Variants in PPP4R3B observed in about 807,000 individuals in gnomAD.
PPP4R3B encodes serine/threonine-protein phosphatase 4 regulatory subunit 3B.
A neutral mutation model predicts 95.4 loss-of-function variants in PPP4R3B; 52 were observed. That is an observed-to-expected ratio of 0.54 (90% confidence interval 0.44 to 0.69). The LOEUF is 0.69. Ranked by LOEUF, PPP4R3B falls within the 30% of genes least tolerant of loss-of-function variation. The pLI is 0.00. For missense variants in PPP4R3B, 1,003 were observed against 1,005.9 expected (o/e 1.00, Z 0.04); for synonymous variants, 407 against 343.9 (o/e 1.18, Z -2.03).
chr2:55,613,266 T>C (rs1237328383), intron 2 of PPP4R3B, among the ~76,000 whole-genome samples: 1 of 151,918 alleles, frequency 6.6e-6, no homozygotes, highest in Non-Finnish European at 1.5e-5. Context: ...ACAGGTAACA[T>C]CATTCACACA....
intron 9 of PPP4R3B, among the ~76,000 whole-genome samples, 190 bp from the exon 10 acceptor site, chr2:55,578,532 C>G (rs1030885530): frequency 3.3e-5 from 5 of 151,860 alleles, no homozygotes; most frequent in Admixed American, 1.3e-4. Flanking sequence ...GCTTTTGTAC[C>G]CATTCACCTT....
chr2:55,558,252 C>CT (rs1686103613), intron 16 of PPP4R3B, among the ~76,000 whole-genome samples: 1 of 152,116 alleles, frequency 6.6e-6, no homozygotes, highest in Non-Finnish European at 1.5e-5. Flanking sequence ...TGCAGTAACA[C>CT]TAAGTAGTCA....
At chr2:55,589,484 C>T (rs1690651539) in intron 4 of PPP4R3B, among the ~76,000 whole-genome samples, 2 of 152,184 alleles carry the variant, frequency 1.3e-5, no homozygotes, top group African/African-American at 4.8e-5. Flanking sequence ...CAGTTTTACA[C>T]GTTCTTGCGG....
intron 4 of PPP4R3B, chr2:55,591,842 T>C (rs1691074202): frequency 5.7e-6 from 1 of 176,864 alleles, no homozygotes; most frequent in Non-Finnish European, 1.1e-5. Flanking sequence ...AATATATTTA[T>C]GAAGGAAGCA....
chr2:55,553,694 G>A (rs1209703241), intron 16 of PPP4R3B, among the ~76,000 whole-genome samples: 1 of 152,040 alleles, frequency 6.6e-6, no homozygotes, highest in Non-Finnish European at 1.5e-5. Context: ...CATATAAATG[G>A]AATCATACAA....
rs1222776959 is a variant in PPP4R3B at position 55,549,253 on chromosome 2, A to G, written c.*658T>C. 6.6e-6 allele frequency: 1 copy of G among 152,630 alleles called. No individual in the cohort carries two copies. Among genetic ancestry groups the G allele is most frequent in the African/African-American group, 2.4e-5 (1 of 41,438 alleles). 9.5% of individuals were successfully genotyped at this position (152,630 alleles called of 1,614,324 possible). The stretch of plus-strand genomic sequence containing the variant: ...AAGTGCTGATTTTAACATTATCTTA[A>G]AACTGTCCAGTTTGAATTGAGCTTG... On this transcript the variant is annotated 3_prime_UTR_variant, in exon 17 of 17. Transcript: ENST00000616407.
intron 2 of PPP4R3B, among the ~76,000 whole-genome samples, chr2:55,611,734 A>ATTT (rs899916814): frequency 2.5e-4 from 37 of 148,846 alleles, no homozygotes; most frequent in African/African-American, 8.6e-4. Flanking sequence ...AATTTACTCA[A>ATTT]TTTTTTTTTT....
chr2:55,617,540 C>A lies in PPP4R3B; in HGVS notation c.-255G>T. On this transcript the variant is annotated 5_prime_UTR_variant, in exon 1 of 17. Coordinates refer to ENST00000616407, the MANE Select transcript of PPP4R3B (RefSeq NM_001122964.3). ...CCCACTCTCCCGTCTCTTTGCCCCC[C>A]AGGGCTCGCTTGCTCTCCCGCCGCC... 2 of 398,630 alleles carry A rather than the reference C, an allele frequency of 5.0e-6. No homozygotes were observed. The highest frequency in any genetic ancestry group is 9.0e-6 in the Non-Finnish European group (2 of 222,416). The allele number at this position is 398,630 out of a possible 1,614,324, so 24.7% of individuals were successfully genotyped here. A position where few individuals can be genotyped will look rare whatever the true frequency, so the allele number is the denominator to read the frequency against.
rs147075661 is a variant in PPP4R3B, at chr2:55,616,175, T to C, written c.143-669A>G. The stretch of plus-strand genomic sequence containing the variant: ...ATTCGTTTTAACAAAAGTTGTTTTA[T>C]TGCATTCCCAGTTTAACAAATAATG... On this transcript the variant is annotated intron_variant, in intron 1 of 16. Transcript: ENST00000616407. Among the ~76,000 whole-genome samples, 480 of 152,200 alleles carry C rather than the reference T, an allele frequency of 3.2e-3. 5 individuals carry two copies. The highest frequency in any genetic ancestry group is 0.015 in the South Asian group (73 of 4,822).
Position 55,578,332 on chromosome 2 carries a change from T to TAA in PPP4R3B, c.1477_1478dup (p.Leu493PhefsTer2). The TAA allele has an allele frequency of 2.9e-6, 4 of 1,382,980 alleles. No homozygotes were observed. Among genetic ancestry groups the TAA allele is most frequent in the Non-Finnish European group, 3.8e-6 (4 of 1,058,906 alleles). 85.7% of individuals were successfully genotyped at this position (1,382,980 alleles called of 1,614,324 possible). On this transcript the variant is annotated frameshift_variant, in exon 10 of 17. Coordinates refer to ENST00000616407, the MANE Select transcript of PPP4R3B (RefSeq NM_001122964.3). LOFTEE classifies it high-confidence loss of function. ...AACTCCAACTATATCTGTAATGTTT[T>TAA]AAAAAAAAATCTGAAAAAAAATATG...
rs1690194426 is a variant in PPP4R3B at position 55,586,705 on chromosome 2, A to C, written c.1029T>G (p.Phe343Leu). 6.2e-7 allele frequency: 1 copy of C among 1,603,170 alleles called. No individual in the cohort carries two copies. Among genetic ancestry groups the C allele is most frequent in the African/African-American group, 1.3e-5 (1 of 74,520 alleles). The change falls in exon 6 of 17, where the codon TTT becomes TTG. Residue 343 changes from phenylalanine to leucine, a missense_variant. Physicochemically the swap from Phe to Leu is conservative, Grantham distance 22 (BLOSUM62 0). Around this residue, in one of 3 missense-constraint regions of PPP4R3B, gnomAD observed 695 missense variants for 686.2 expected, o/e 1.01. Coordinates refer to ENST00000616407, the MANE Select transcript of PPP4R3B (RefSeq NM_001122964.3). ...TGTTTTGAGGTTGTAATGTCTGAGA[A>C]AATGCACAAAACTCCTTGAAAAAAT... The part of the protein sequence containing the change: ...LVNFFKEFCA[F>L]SQTLQPQNRD...
At chr2:55,604,233 G>A (rs376458852) in intron 2 of PPP4R3B, among the ~76,000 whole-genome samples, 157 bp from the exon 3 acceptor site, 37 of 152,196 alleles carry the variant, frequency 2.4e-4, no homozygotes, top group African/African-American at 8.4e-4. Context: ...GTAATATATT[G>A]GCAATACAAT....
At position 55,549,583 on chromosome 2, in the gene PPP4R3B, C is replaced by T; in HGVS notation, c.*328G>A. 1 of 242,812 alleles carries T rather than the reference C, an allele frequency of 4.1e-6. No homozygotes were observed. The highest frequency in any genetic ancestry group is 7.9e-6 in the Non-Finnish European group (1 of 126,432). 15.0% of individuals were successfully genotyped at this position (242,812 alleles called of 1,614,324 possible). ...TAGATCGACACCCCGAGGAGCAACC[C>T]TGCATTATTATATCAACCTTTTCCC... On this transcript the variant is annotated 3_prime_UTR_variant, in exon 17 of 17. Transcript: ENST00000616407.
At chr2:55,560,360 T>C (rs991546491) in intron 15 of PPP4R3B, among the ~76,000 whole-genome samples, 2 of 152,252 alleles carry the variant, frequency 1.3e-5, no homozygotes, top group African/African-American at 4.8e-5. Flanking sequence ...AAGGTCATAC[T>C]TGGTATGCTT....
At chr2:55,588,847 T>G (rs368429754) in intron 5 of PPP4R3B, 32 bp downstream of exon 5, 272 of 1,447,330 alleles carry the variant, frequency 1.9e-4, no homozygotes, top group Middle Eastern at 1.8e-4. Flanking sequence ...AAAGAATAAG[T>G]GCTCTTTAAG....
At chr2:55,573,552 C>T (rs1688272300) in intron 12 of PPP4R3B, 67 bp downstream of exon 12, 6 of 1,396,186 alleles carry the variant, frequency 4.3e-6, no homozygotes, top group Middle Eastern at 1.8e-4. Context: ...TAATAAATAA[C>T]TTCAAATGGG....
Position 55,603,966 on chromosome 2 carries a change from A to G in PPP4R3B, c.297+12T>C. 2 of 1,578,822 alleles carry G rather than the reference A, an allele frequency of 1.3e-6. No individual in the cohort carries two copies. Among genetic ancestry groups the G allele is most frequent in the Non-Finnish European group, 1.7e-6 (2 of 1,163,716 alleles). On this transcript the variant is annotated intron_variant, in intron 3 of 16. Transcript: ENST00000616407. ...GCAAACATTAAGTTAAATATTATAAAAAGAAACTTACCTGACAAATTTTTT... is the reference window on the plus strand; with the variant it reads ...GCAAACATTAAGTTAAATATTATAAGAAGAAACTTACCTGACAAATTTTTT...
At chr2:55,550,074 A>G (rs1180560206) in intron 16 of PPP4R3B, 68 bp from the exon 17 acceptor site, 9 of 951,244 alleles carry the variant, frequency 9.5e-6, no homozygotes, top group Non-Finnish European at 1.5e-5. Context: ...GTACAAATAC[A>G]ATCACTTGTA....
At chr2:55,613,354 CAAA>C (rs552114971) in intron 2 of PPP4R3B, among the ~76,000 whole-genome samples, 1 of 134,632 alleles carries the variant, frequency 7.4e-6, no homozygotes, top group African/African-American at 2.7e-5. Flanking sequence ...GTTATGTTGC[CAAA>C]AAAAAAAAGC....
Sources: allele counts gnomAD v4.1 joint callset (sites outside exome capture counted in the v4.1 genomes callset), GRCh38; gene constraint gnomAD v4.1.1; regional missense constraint gnomAD v4.1.1; transcripts MANE v1.5; gene names NCBI Gene and HGNC (gene_info 2026-07-23, HGNC 2026-07-21).